STN1: variants seen among roughly 807,000 people sequenced by gnomAD.
STN1 encodes the protein CST complex subunit STN1.
In STN1, 29 loss-of-function variants were observed where a neutral mutation model predicts 45.5. The observed-to-expected ratio is 0.64, with a 90% CI of 0.47 to 0.87. The LOEUF (loss-of-function observed/expected upper bound fraction) is 0.87. STN1 is among the 40% of genes least tolerant of loss of function. The pLI, the probability that STN1 is intolerant of heterozygous loss-of-function variation, is 0.00. For missense variants in STN1, 376 were observed against 441.4 expected, an observed-to-expected ratio of 0.85 and a Z score of 1.33; for synonymous variants, 148 against 159.0, an observed-to-expected ratio of 0.93 and a Z score of 0.52.
Position 103,889,066 on chromosome 10 carries a change from A to G in STN1, c.949+6T>C. ...CAGGGCATCACTTGTACATTATACCACTTACGATTTGGTTTCTGGCAGTCC... is the reference window on the plus strand; with the variant it reads ...CAGGGCATCACTTGTACATTATACCGCTTACGATTTGGTTTCTGGCAGTCC... On this transcript the variant is annotated splice_donor_region_variant and intron_variant, in intron 9 of 9. Coordinates refer to ENST00000224950, the MANE Select transcript of STN1 (RefSeq NM_024928.5). 6.2e-7 allele frequency: 1 copy of G among 1,603,418 alleles called. No homozygotes were observed. Among genetic ancestry groups the G allele is most frequent in the East Asian group, 2.2e-5 (1 of 44,818 alleles).
intron 4 of STN1, among the ~76,000 whole-genome samples, chr10:103,902,394 C>T (rs955323783): frequency 2.6e-5 from 4 of 152,108 alleles, no homozygotes; most frequent in African/African-American, 9.7e-5. Flanking sequence ...TCACATAGCA[C>T]CACTGAAATG....
intron 3 of STN1, among the ~76,000 whole-genome samples, chr10:103,908,060 C>T (rs1439606354): frequency 6.6e-6 from 1 of 150,584 alleles, no homozygotes; most frequent in Non-Finnish European, 1.5e-5. Flanking sequence ...ACCCGGGAGG[C>T]GGGGGTTGCA....
intron 4 of STN1, 51 bp from the exon 5 acceptor site, chr10:103,900,274 CT>C: frequency 1.9e-6 from 3 of 1,576,996 alleles, no homozygotes; most frequent in Non-Finnish European, 2.6e-6. Flanking sequence ...AACACAATCA[CT>C]CTACCACATC....
chr10:103,897,534 C>CA lies in STN1; in HGVS notation c.753+13dup. 1 of 1,612,828 alleles carries CA rather than the reference C, an allele frequency of 6.2e-7. No homozygotes were observed. On this transcript the variant is annotated intron_variant, in intron 7 of 9. Transcript: ENST00000224950. The stretch of plus-strand genomic sequence containing the variant: ...CAGGGAACCAGAATTCTCACATGGG[C>CA]ATGCTGCACTCACTTGGTCGGAGGA...
At chr10:103,889,436 G>A (rs1346090917) in intron 8 of STN1, among the ~76,000 whole-genome samples, 1 of 152,006 alleles carries the variant, frequency 6.6e-6, no homozygotes, top group Non-Finnish European at 1.5e-5. Context: ...ACACATTTTT[G>A]TTATTTGTTG....
chr10:103,909,247 A>G (rs540822732), intron 3 of STN1, among the ~76,000 whole-genome samples: 48 of 150,516 alleles, frequency 3.2e-4, no homozygotes, highest in South Asian at 2.7e-3. Context: ...AACTTAGTAA[A>G]TATTTGTTGA....
In STN1 at chr10:103,899,001, C is replaced by G. The variant is rs1158630073; in HGVS notation, c.458-1G>C. On this transcript the variant is annotated splice_acceptor_variant, in intron 5 of 9. Coordinates refer to ENST00000224950, the MANE Select transcript of STN1 (RefSeq NM_024928.5). LOFTEE classifies it high-confidence loss of function. Reference sequence around the variant, plus strand: ...TTCCACACTGGGTCGTCCACTTTATCTAACAAGTGACCAGAAAAAAGATGC... The same window carrying G: ...TTCCACACTGGGTCGTCCACTTTATGTAACAAGTGACCAGAAAAAAGATGC... 1 of 1,613,770 alleles carries G rather than the reference C, an allele frequency of 6.2e-7. No homozygotes were observed. The highest frequency in any genetic ancestry group is 8.5e-7 in the Non-Finnish European group (1 of 1,179,914).
intron 2 of STN1, among the ~76,000 whole-genome samples, chr10:103,916,887 G>A (rs1405346127): frequency 6.6e-6 from 1 of 152,048 alleles, no homozygotes; most frequent in African/African-American, 2.4e-5. Flanking sequence ...GCCAGGCACT[G>A]TTCTAAGCCC....
intron 4 of STN1, among the ~76,000 whole-genome samples, chr10:103,901,731 C>T (rs560436814): frequency 1.7e-4 from 26 of 152,270 alleles, no homozygotes; most frequent in South Asian, 8.3e-4. Context: ...ATTAAACCTT[C>T]CAGAAAAAGT....
intron 7 of STN1, among the ~76,000 whole-genome samples, chr10:103,894,534 C>G (rs915937275): frequency 3.9e-5 from 6 of 152,162 alleles, no homozygotes; most frequent in African/African-American, 1.4e-4. Flanking sequence ...ACATATTTCC[C>G]TGGCCTAGTT....
At chr10:103,888,133 G>A (rs562571734) in intron 9 of STN1, among the ~76,000 whole-genome samples, 4 of 152,304 alleles carry the variant, frequency 2.6e-5, no homozygotes, top group East Asian at 3.9e-4. Context: ...TCTGGGATCC[G>A]ACCTCATGGT....
chr10:103,896,766 C>T (rs1326647853), intron 7 of STN1, among the ~76,000 whole-genome samples: 4 of 151,978 alleles, frequency 2.6e-5, no homozygotes, highest in Non-Finnish European at 4.4e-5. Flanking sequence ...GAACTCCTGG[C>T]CTCAAGTGAT....
intron 8 of STN1, among the ~76,000 whole-genome samples, chr10:103,890,686 G>A (rs1291746105): frequency 1.3e-5 from 2 of 152,148 alleles, no homozygotes; most frequent in Non-Finnish European, 2.9e-5. Flanking sequence ...GGAGGCACTC[G>A]CCCTTATGTA....
intron 9 of STN1, among the ~76,000 whole-genome samples, chr10:103,885,168 C>T (rs1246741704): frequency 3.3e-5 from 5 of 152,146 alleles, no homozygotes; most frequent in Non-Finnish European, 7.3e-5. Flanking sequence ...TCATCATATC[C>T]GTAATCCAAG....
intron 4 of STN1, among the ~76,000 whole-genome samples, chr10:103,901,390 C>T (rs773787177): frequency 4.6e-5 from 7 of 152,124 alleles, no homozygotes; most frequent in Non-Finnish European, 8.8e-5. Flanking sequence ...TTTTTACTTT[C>T]GTTTTTTTCA....
chr10:103,893,083 G>A (rs1449703607), intron 7 of STN1, among the ~76,000 whole-genome samples: 2 of 152,152 alleles, frequency 1.3e-5, no homozygotes, highest in African/African-American at 4.8e-5. Context: ...ACACATTAGA[G>A]TGTGTGTATT....
Position 103,909,462 on chromosome 10 carries a change from A to ATATATATGTG in STN1, c.229+1064_229+1065insCACATATATA, listed in dbSNP as rs1554837226. On this transcript the variant is annotated intron_variant, in intron 3 of 9. Coordinates refer to ENST00000224950, the MANE Select transcript of STN1 (RefSeq NM_024928.5). ...TATATATGTATATATGTATATATGT[A>ATATATATGTG]TATATATGTATATATGTATATATAT... Among the ~76,000 whole-genome samples the ATATATATGTG allele has an allele frequency of 1.9e-4, 19 of 102,622 alleles. 1 individual carries two copies. The highest frequency in any genetic ancestry group is 5.0e-4 in the African/African-American group (12 of 24,204). 67.3% of individuals were successfully genotyped at this position (102,622 alleles called of 152,430 possible).
chr10:103,911,102 G>GT (rs1209402631), intron 2 of STN1, among the ~76,000 whole-genome samples: 6 of 148,802 alleles, frequency 4.0e-5, no homozygotes, highest in Admixed American at 1.3e-4. Flanking sequence ...AAAAAAAACA[G>GT]TAAGTAGGTT....
At chr10:103,897,859 G>A (rs1453349193) in intron 6 of STN1, 140 bp from the exon 7 acceptor site, 3 of 688,950 alleles carry the variant, frequency 4.4e-6, no homozygotes, top group Non-Finnish European at 4.8e-6. Context: ...ATATATACAG[G>A]GAACATCATG....
Sources: gnomAD v4.1 joint callset for allele counts (sites outside exome capture counted in the v4.1 genomes callset) on GRCh38, gnomAD v4.1.1 for gene constraint, MANE v1.5 for transcripts, NCBI Gene and HGNC (gene_info 2026-07-23, HGNC 2026-07-21) for gene names.